Variants in ZNF407 observed in about 807,000 individuals in gnomAD.
The protein encoded by ZNF407 is zinc finger protein 407.
In ZNF407, 17 loss-of-function variants were observed where a neutral mutation model predicts 131.2. That is an observed-to-expected ratio of 0.13 (90% CI 0.09 to 0.19). The LOEUF (loss-of-function observed/expected upper bound fraction) is 0.19, where lower values mean the gene tolerates loss of function less well. ZNF407 is among the 10% of genes least tolerant of loss of function. The pLI, the probability that ZNF407 is intolerant of heterozygous loss-of-function variation, is 1.00. For missense variants in ZNF407, 2,681 were observed against 2,830.6 expected, an observed-to-expected ratio of 0.95 and a Z score of 1.20; for synonymous variants, 1,156 against 1,062.0, an observed-to-expected ratio of 1.09 and a Z score of -1.72.
intron 8 of ZNF407, among the ~76,000 whole-genome samples, chr18:74,927,783 A>G (rs549523068): frequency 2.6e-5 from 4 of 152,248 alleles, no homozygotes; most frequent in African/African-American, 7.2e-5. Flanking sequence ...ATGTATTTCA[A>G]GTTGCTATTA....
intron 3 of ZNF407, among the ~76,000 whole-genome samples, chr18:74,733,980 G>T (rs1342392099): frequency 1.3e-5 from 2 of 151,942 alleles, no homozygotes; most frequent in Admixed American, 6.6e-5. Context: ...AAATTTACTG[G>T]TTATTTTTTT....
At chr18:74,672,508 C>G (rs371377435) in intron 3 of ZNF407, among the ~76,000 whole-genome samples, 86 of 44,836 alleles carry the variant, frequency 1.9e-3, no homozygotes, top group Non-Finnish European at 3.6e-3. Context: ...AGCACTGTGT[C>G]TCTGTTCGTT....
chr18:74,604,926 G>T (rs1982737762), intron 1 of ZNF407, among the ~76,000 whole-genome samples: 1 of 152,160 alleles, frequency 6.6e-6, no homozygotes, highest in African/African-American at 2.4e-5. Context: ...TCAAAGTCTG[G>T]ATGCAGTTTA....
At chr18:74,604,408 A>G (rs928251267) in intron 1 of ZNF407, among the ~76,000 whole-genome samples, 4 of 152,178 alleles carry the variant, frequency 2.6e-5, no homozygotes, top group Non-Finnish European at 4.4e-5. Flanking sequence ...CCAGACCTCC[A>G]TAGGCCACAC....
intron 8 of ZNF407, among the ~76,000 whole-genome samples, chr18:74,942,152 G>A (rs971938863): frequency 6.6e-6 from 1 of 152,194 alleles, no homozygotes; most frequent in African/African-American, 2.4e-5. Flanking sequence ...ATAAACTAGA[G>A]GAAAGGAGCT....
At chr18:74,916,661 T>TGC (rs1971773191) in intron 7 of ZNF407, among the ~76,000 whole-genome samples, 1 of 137,680 alleles carries the variant, frequency 7.3e-6, no homozygotes, top group Non-Finnish European at 1.5e-5. Flanking sequence ...TGCATGTGTG[T>TGC]GCTGGTATGG....
intron 8 of ZNF407, among the ~76,000 whole-genome samples, chr18:75,012,316 T>TAGCAGGCTCTGGGG (rs1568300470): frequency 4.9e-5 from 5 of 101,798 alleles, no homozygotes; most frequent in Non-Finnish European, 6.5e-5. Flanking sequence ...ACATAGTGTA[T>TAGCAGGCTCTGGGG]GTACACATAG....
chr18:74,969,836 A>G (rs751668571), intron 8 of ZNF407, among the ~76,000 whole-genome samples: 1 of 152,196 alleles, frequency 6.6e-6, no homozygotes, highest in East Asian at 1.9e-4. Flanking sequence ...ACTTGTTTGC[A>G]TGAGAAACCA....
chr18:74,971,295 T>A (rs1220889795), intron 8 of ZNF407, among the ~76,000 whole-genome samples: 1 of 152,228 alleles, frequency 6.6e-6, no homozygotes, highest in Non-Finnish European at 1.5e-5. Flanking sequence ...TTACGCAAAT[T>A]TCTGCAGCCA....
At chr18:74,827,649 G>A (rs1221831963) in intron 4 of ZNF407, among the ~76,000 whole-genome samples, 4 of 152,126 alleles carry the variant, frequency 2.6e-5, no homozygotes, top group Admixed American at 1.3e-4. Flanking sequence ...TCTTTCTCCA[G>A]CTGTCTGTTT....
intron 4 of ZNF407, among the ~76,000 whole-genome samples, chr18:74,794,544 C>A (rs545168310): frequency 6.6e-6 from 1 of 151,928 alleles, no homozygotes; most frequent in Non-Finnish European, 1.5e-5. Context: ...TTTGTCCTAA[C>A]GCTACGTTGC....
chr18:74,761,068 G>A (rs1404399173), intron 3 of ZNF407, among the ~76,000 whole-genome samples: 2 of 152,074 alleles, frequency 1.3e-5, no homozygotes, highest in Non-Finnish European at 2.9e-5. Flanking sequence ...AAATGCATTA[G>A]ACTTCCAATA....
chr18:74,829,786 A>G (rs2037409055), intron 4 of ZNF407, among the ~76,000 whole-genome samples: 1 of 151,282 alleles, frequency 6.6e-6, no homozygotes, highest in Non-Finnish European at 1.5e-5. Context: ...AAAAACTGCT[A>G]ATTCTGGTCT....
intron 4 of ZNF407, among the ~76,000 whole-genome samples, chr18:74,818,865 T>TAAAAAAA (rs11392274): frequency 1.4e-4 from 19 of 139,446 alleles, no homozygotes; most frequent in African/African-American, 3.9e-4. Context: ...CATTGAACAG[T>TAAAAAAA]AAAAAAAAAA....
chr18:74,973,043 C>A (rs1207220992), intron 8 of ZNF407, among the ~76,000 whole-genome samples: 1 of 151,986 alleles, frequency 6.6e-6, no homozygotes, highest in African/African-American at 2.4e-5. Context: ...TGCCTGCTTG[C>A]GGTTTACTTG....
At position 74,875,585 on chromosome 18, in the gene ZNF407, G is replaced by A. The variant is rs940025715; in HGVS notation, c.4878-1612G>A. Among the ~76,000 whole-genome samples the A allele has an allele frequency of 4.5e-4, 68 of 152,256 alleles. 1 individual carries two copies. The highest frequency in any genetic ancestry group is 1.6e-3 in the African/African-American group (65 of 41,546). On this transcript the variant is annotated intron_variant, in intron 4 of 8. Transcript: ENST00000299687. ...TAAGTAGATAGGGGAATTTATCTTG[G>A]AAATAAGATCCCTGTCATGGTTTTG...
intron 8 of ZNF407, among the ~76,000 whole-genome samples, chr18:74,943,146 G>A (rs1321164422): frequency 1.3e-5 from 2 of 152,010 alleles, no homozygotes; most frequent in East Asian, 3.9e-4. Flanking sequence ...TCGATCTCCT[G>A]ACCTTGCTAT....
At chr18:74,871,628 C>T (rs1457542604) in intron 4 of ZNF407, among the ~76,000 whole-genome samples, 1 of 151,906 alleles carries the variant, frequency 6.6e-6, no homozygotes, top group Non-Finnish European at 1.5e-5. Flanking sequence ...AAATTTAGCT[C>T]ACTCTTTTAT....
intron 3 of ZNF407, among the ~76,000 whole-genome samples, chr18:74,666,509 C>T (rs1490471936): frequency 2.6e-5 from 4 of 152,176 alleles, no homozygotes; most frequent in East Asian, 1.9e-4. Context: ...TGTATCCTCC[C>T]GCTCTGCTTT....
Sources: allele counts gnomAD v4.1 joint callset (sites outside exome capture counted in the v4.1 genomes callset), GRCh38; gene constraint gnomAD v4.1.1; transcripts MANE v1.5; gene names NCBI Gene and HGNC (gene_info 2026-07-23, HGNC 2026-07-21).